The following ANKRD36C variants were observed in gnomAD, a reference collection of about 807,000 sequenced individuals.
The protein encoded by ANKRD36C is ankyrin repeat domain 36C.
In ANKRD36C, 61 loss-of-function variants were observed where a neutral mutation model predicts 276.4. The ratio of observed to expected loss-of-function variants is 0.22; its 90% CI spans 0.18 to 0.27. The LOEUF (loss-of-function observed/expected upper bound fraction) is 0.27. ANKRD36C is among the 10% of genes least tolerant of loss of function. The pLI is 1.00. For synonymous variants in ANKRD36C, 483 were observed against 680.1 expected (o/e 0.71, Z 4.51); for missense variants, 1,447 against 2,032.3 (o/e 0.71, Z 5.54).
At chr2:95,888,265 G>C in intron 48 of ANKRD36C, 145 bp from the exon 69 acceptor site, 1 of 1,423,836 alleles carries the variant, frequency 7.0e-7, no homozygotes, top group East Asian at 2.5e-5. Context: ...CTGGGGACTG[G>C]AATATGACAG....
Position 95,909,979 on chromosome 2 carries a change from C to T in ANKRD36C, c.2653+2265G>A, listed in dbSNP as rs534963805. Among the ~76,000 whole-genome samples, 279 of 151,144 alleles carry T rather than the reference C, an allele frequency of 1.8e-3. 2 individuals carry two copies. The highest frequency in any genetic ancestry group is 3.3e-3 in the Admixed American group (50 of 15,132). On this transcript the variant is annotated intron_variant, in intron 42 of 66. Transcript: ENST00000456556. ...CTCCTTAGTTCTCCTACAGTGTGTA[C>T]GGGTTATTACAACAAGTTTTCTGTC...
chr2:95,910,413 A>T (rs1026034454), intron 42 of ANKRD36C: 2 of 1,555,712 alleles, frequency 1.3e-6, no homozygotes, highest in Admixed American at 1.9e-5. Flanking sequence ...CTCTGGCTAT[A>T]CTCAAAACAG....
chr2:95,941,524 G>A (rs190103303), intron 19 of ANKRD36C, among the ~76,000 whole-genome samples: 2 of 152,262 alleles, frequency 1.3e-5, no homozygotes, highest in African/African-American at 4.8e-5. Context: ...AAATAGACAA[G>A]TGAAGACTAA....
intron 61 of ANKRD36C, among the ~76,000 whole-genome samples, chr2:95,858,332 A>G (rs1675474019): frequency 6.6e-6 from 1 of 152,222 alleles, no homozygotes; most frequent in African/African-American, 2.4e-5. Context: ...TAAAATTTCT[A>G]TGTTCTTAAA....
intron 63 of ANKRD36C, 64 bp downstream of exon 83, chr2:95,855,202 C>T: frequency 6.7e-7 from 1 of 1,481,954 alleles, no homozygotes; most frequent in Non-Finnish European, 9.0e-7. Context: ...TCAGCTGTAA[C>T]CAAATATTAC....
exon 34 of ANKRD36C, chr2:95,921,665 C>G: frequency 6.2e-7 from 1 of 1,608,206 alleles, no homozygotes; most frequent in Non-Finnish European, 8.5e-7. Context: ...CAGAATCTTC[C>G]TCGTCAGTTG....
chr2:95,892,467 GT>G (rs891337550), intron 44 of ANKRD36C, among the ~76,000 whole-genome samples: 10 of 151,406 alleles, frequency 6.6e-5, no homozygotes, highest in Admixed American at 6.6e-5. Flanking sequence ...ATCTGCCTAA[GT>G]TTCTTCTATC....
chr2:95,916,168 G>T, exon 37 of ANKRD36C: 1 of 1,604,878 alleles, frequency 6.2e-7, no homozygotes. Context: ...TTTCCGAGAA[G>T]ACACTGAAAA....
At chr2:95,912,184 C>G in intron 42 of ANKRD36C, 60 bp downstream of exon 44, 1 of 1,534,572 alleles carries the variant, frequency 6.5e-7, no homozygotes, top group Non-Finnish European at 8.8e-7. Context: ...CTGATTTATT[C>G]GGGGAAGAGA....
chr2:95,912,047 G>T (rs1330252247), intron 42 of ANKRD36C, among the ~76,000 whole-genome samples, 197 bp downstream of exon 44: 3 of 151,398 alleles, frequency 2.0e-5, no homozygotes, highest in Non-Finnish European at 4.4e-5. Context: ...GCAATGTGGG[G>T]ATGTGTATAA....
intron 42 of ANKRD36C, among the ~76,000 whole-genome samples, chr2:95,911,543 C>G (rs1228351189): frequency 1.1e-4 from 17 of 151,432 alleles, no homozygotes; most frequent in African/African-American, 4.1e-4. Flanking sequence ...ATTTCTATAA[C>G]TAAAATCAAC....
chr2:95,991,398 C>G, intron 1 of ANKRD36C, 114 bp downstream of exon 1: 1 of 1,173,496 alleles, frequency 8.5e-7, no homozygotes, highest in Non-Finnish European at 1.1e-6. Flanking sequence ...CCCCCTAGCC[C>G]CCGTCCATAC....
intron 59 of ANKRD36C, among the ~76,000 whole-genome samples, chr2:95,872,324 C>A (rs1372760548): frequency 6.6e-6 from 1 of 151,222 alleles, no homozygotes; most frequent in Non-Finnish European, 1.5e-5. Context: ...GTCTGTCAGA[C>A]CACAGTGCAA....
intron 58 of ANKRD36C, among the ~76,000 whole-genome samples, chr2:95,878,714 G>A (rs1443894916): frequency 2.6e-5 from 4 of 152,246 alleles, no homozygotes; most frequent in African/African-American, 9.6e-5. Flanking sequence ...AAAGGTGCTC[G>A]ATGTCACTGA....
intron 32 of ANKRD36C, among the ~76,000 whole-genome samples, chr2:95,922,210 A>T (rs1287719868): frequency 1.3e-5 from 2 of 151,594 alleles, no homozygotes; most frequent in Non-Finnish European, 3.0e-5. Flanking sequence ...TTACACCATT[A>T]TACTGCAAAC....
chr2:95,939,191 T>C (rs568807551), intron 20 of ANKRD36C, among the ~76,000 whole-genome samples, 176 bp from the exon 21 acceptor site: 7 of 152,284 alleles, frequency 4.6e-5, no homozygotes, highest in South Asian at 2.1e-4. Context: ...GACAGGAATA[T>C]ACACATGAAA....
intron 26 of ANKRD36C, among the ~76,000 whole-genome samples, chr2:95,928,855 C>G (rs1042049203): frequency 5.3e-5 from 8 of 151,464 alleles, no homozygotes; most frequent in African/African-American, 1.9e-4. Flanking sequence ...TTCTTCTTCC[C>G]AATTTCAATG....
At chr2:95,891,264 G>C (rs1426859677) in intron 46 of ANKRD36C, among the ~76,000 whole-genome samples, 3 of 150,766 alleles carry the variant, frequency 2.0e-5, no homozygotes, top group Non-Finnish European at 3.0e-5. Flanking sequence ...TCTCCTAACA[G>C]TGTCTACGGG....
At chr2:95,928,657 T>C (rs1677476794) in intron 26 of ANKRD36C, among the ~76,000 whole-genome samples, 2 of 151,572 alleles carry the variant, frequency 1.3e-5, no homozygotes, top group African/African-American at 4.8e-5. Flanking sequence ...TTCTTAGCTC[T>C]CATTCTACAG....
Sources: allele counts gnomAD v4.1 joint callset (sites outside exome capture counted in the v4.1 genomes callset), GRCh38; gene constraint gnomAD v4.1.1; transcripts MANE v1.5; gene names NCBI Gene and HGNC (gene_info 2026-07-23, HGNC 2026-07-21).